Variants in CLASP2 observed in about 807,000 individuals in gnomAD.
CLASP2 encodes cytoplasmic linker associated protein 2, also known as CLIP-associating protein 2.
In CLASP2, 47 loss-of-function variants were observed where a neutral mutation model predicts 194.4. The observed-to-expected ratio is 0.24, with a 90% CI of 0.19 to 0.31. The LOEUF (loss-of-function observed/expected upper bound fraction) is 0.31, where lower values mean the gene tolerates loss of function less well. Ranked by LOEUF, CLASP2 falls within the 10% of genes least tolerant of loss-of-function variation. The pLI is 1.00. For missense variants in CLASP2, 1,445 were observed against 1,823.6 expected, an observed-to-expected ratio of 0.79 and a Z score of 3.78; for synonymous variants, 619 against 633.5, an observed-to-expected ratio of 0.98 and a Z score of 0.34.
At chr3:33,567,733 T>C (rs2062998033) in intron 26 of CLASP2, among the ~76,000 whole-genome samples, 1 of 152,252 alleles carries the variant, frequency 6.6e-6, no homozygotes, top group South Asian at 2.1e-4. Flanking sequence ...ATACTGCTAA[T>C]AAATTGGAGG....
chr3:33,537,195 C>T (rs201171873), intron 33 of CLASP2, among the ~76,000 whole-genome samples: 1 of 146,432 alleles, frequency 6.8e-6, no homozygotes, highest in African/African-American at 2.5e-5. Flanking sequence ...TCTAAAAAAC[C>T]AAAAAAAAAA....
chr3:33,614,834 T>C (rs1185060084), intron 12 of CLASP2, among the ~76,000 whole-genome samples: 5 of 151,996 alleles, frequency 3.3e-5, no homozygotes, highest in Non-Finnish European at 7.4e-5. Context: ...CTACTAAAAA[T>C]ACAAAAATTA....
Position 33,592,448 on chromosome 3 carries a change from G to A in CLASP2, c.2015C>T (p.Ala672Val). 2 of 1,613,754 alleles carry A rather than the reference G, an allele frequency of 1.2e-6. No individual in the cohort carries two copies. Among genetic ancestry groups the A allele is most frequent in the African/African-American group, 1.3e-5 (1 of 75,016 alleles). ...ACTTCTTCCTCTAGAATCTGCCTTG[G>A]CATTTCCCATGCCAGCAAGTGGTGC... Reference protein sequence around the residue: ...LSAPLAGMGNAKADSRGRSRT... With the variant: ...LSAPLAGMGNVKADSRGRSRT... The change falls in exon 21 of 39, where the codon GCC (alanine) becomes GTC (valine). Residue 672 changes from alanine (A) to valine (V), a missense_variant. Ala to Val is a moderately conservative substitution (Grantham distance 64). Transcript: ENST00000682230.
chr3:33,500,694 T>C (rs1415336955), intron 38 of CLASP2, among the ~76,000 whole-genome samples: 2 of 152,150 alleles, frequency 1.3e-5, no homozygotes, highest in African/African-American at 2.4e-5. Flanking sequence ...TATAACTTAA[T>C]GTAAAGTGTG....
chr3:33,524,078 G>A (rs1188144020), intron 34 of CLASP2, among the ~76,000 whole-genome samples: 1 of 152,080 alleles, frequency 6.6e-6, no homozygotes, highest in Non-Finnish European at 1.5e-5. Flanking sequence ...CATGACAGAA[G>A]TAAGTCCTTT....
chr3:33,504,194 C>T (rs1441816983), intron 37 of CLASP2: 1 of 152,136 alleles, frequency 6.6e-6, no homozygotes, highest in Non-Finnish European at 1.5e-5. Context: ...GTTCAATTAA[C>T]CTATTTTTTA....
chr3:33,546,003 T>C (rs2059104800), intron 30 of CLASP2, among the ~76,000 whole-genome samples: 1 of 152,204 alleles, frequency 6.6e-6, no homozygotes, highest in Non-Finnish European at 1.5e-5. Flanking sequence ...AACATGTTAA[T>C]AGTGCTTAAA....
At chr3:33,690,852 A>G (rs1280372591) in intron 2 of CLASP2, among the ~76,000 whole-genome samples, 1 of 152,196 alleles carries the variant, frequency 6.6e-6, no homozygotes, top group Non-Finnish European at 1.5e-5. Flanking sequence ...TCAAAAACAC[A>G]TCGCATGTAT....
intron 27 of CLASP2, chr3:33,564,024 C>A: frequency 2.3e-6 from 1 of 425,550 alleles, no homozygotes; most frequent in Non-Finnish European, 4.6e-6. Flanking sequence ...CAAGTCAGGG[C>A]CACTGATCTT....
chr3:33,623,511 G>A lies in CLASP2; in HGVS notation c.1036-1231C>T, dbSNP rs988593459. On this transcript the variant is annotated intron_variant, in intron 10 of 38. Transcript: ENST00000682230. The stretch of plus-strand genomic sequence containing the variant: ...TTTTTTTTTTAGGTCCCACATATTA[G>A]TGAGAACATGCAATCTTTTTCTTCC... Among the ~76,000 whole-genome samples, 3 of 151,306 alleles carry A rather than the reference G, an allele frequency of 2.0e-5. No homozygotes were observed. The South Asian group carries it at 6.3e-4, about 32-fold the overall frequency.
Position 33,698,531 on chromosome 3 carries a change from G to A in CLASP2, c.196-1598C>T, listed in dbSNP as rs572786282. 1.1e-4 allele frequency among the ~76,000 whole-genome samples: 16 copies of A among 152,234 alleles called. No homozygotes were observed. In the South Asian group the frequency reaches 2.5e-3, roughly 24 times the overall value. The stretch of plus-strand genomic sequence containing the variant: ...ACCAGTGGGGAAGGGGCAAGAACAC[G>A]AAGAAGAATCCTCTATGAAGCACAA... On this transcript the variant is annotated intron_variant, in intron 1 of 38. Transcript: ENST00000682230.
chr3:33,659,404 T>C, intron 7 of CLASP2: 16 of 1,017,200 alleles, frequency 1.6e-5, no homozygotes, highest in Non-Finnish European at 1.9e-5. Context: ...GCAATCATTT[T>C]CTGCTTCCCT....
intron 34 of CLASP2, among the ~76,000 whole-genome samples, chr3:33,530,742 T>C (rs1022607344): frequency 1.3e-5 from 2 of 152,216 alleles, no homozygotes; most frequent in East Asian, 1.9e-4. Flanking sequence ...TGAAATGTTA[T>C]GTACTGCATG....
chr3:33,627,285 T>C, intron 9 of CLASP2: 1 of 553,950 alleles, frequency 1.8e-6, no homozygotes, highest in Middle Eastern at 3.6e-4. Flanking sequence ...TTTTTGCTAT[T>C]TCTTCCCTCA....
intron 29 of CLASP2, among the ~76,000 whole-genome samples, chr3:33,553,320 C>G (rs1321940907): frequency 6.6e-6 from 1 of 152,026 alleles, no homozygotes; most frequent in Admixed American, 6.6e-5. Context: ...TAATTTTACA[C>G]AGTCAACAAA....
chr3:33,510,906 G>A, intron 36 of CLASP2, 142 bp from the exon 37 acceptor site: 1 of 764,294 alleles, frequency 1.3e-6, no homozygotes, highest in South Asian at 1.9e-5. Context: ...TGAAAAGTGA[G>A]GGTACAGATT....
intron 22 of CLASP2, among the ~76,000 whole-genome samples, chr3:33,582,714 T>C (rs1340970673): frequency 1.3e-5 from 2 of 152,086 alleles, no homozygotes. Flanking sequence ...ATTCCCATTC[T>C]TTTTCTCACC....
chr3:33,661,985 C>T (rs1201136380), intron 7 of CLASP2, among the ~76,000 whole-genome samples: 2 of 152,298 alleles, frequency 1.3e-5, no homozygotes, highest in Non-Finnish European at 2.9e-5. Flanking sequence ...ATGACTTTAA[C>T]TTTCACATTT....
intron 34 of CLASP2, among the ~76,000 whole-genome samples, chr3:33,533,362 T>A (rs2056714817): frequency 6.6e-6 from 1 of 152,202 alleles, no homozygotes; most frequent in Admixed American, 6.5e-5. Flanking sequence ...TAAACTGTCA[T>A]AATTTTGGCT....
Sources: gnomAD v4.1 joint callset for allele counts (sites outside exome capture counted in the v4.1 genomes callset) on GRCh38, gnomAD v4.1.1 for gene constraint, MANE v1.5 for transcripts, NCBI Gene and HGNC (gene_info 2026-07-23, HGNC 2026-07-21) for gene names.